KCNQ4: variants seen among roughly 807,000 people sequenced by gnomAD.
KCNQ4 encodes potassium voltage-gated channel subfamily Q member 4.
KCNQ4 carries 31 observed loss-of-function variants against 72.6 expected under a neutral mutation model. The ratio of observed to expected loss-of-function variants is 0.43; its 90% CI spans 0.32 to 0.58. The LOEUF (loss-of-function observed/expected upper bound fraction) is 0.58, where lower values mean the gene tolerates loss of function less well. KCNQ4 is among the 20% of genes least tolerant of loss of function. The probability of loss-of-function intolerance (pLI) is 0.08; values close to 1 mark genes in which losing one functional copy is unlikely to be tolerated. For synonymous variants in KCNQ4, 405 were observed against 403.7 expected, an observed-to-expected ratio of 1.00 and a Z score of -0.04; for missense variants, 869 against 962.6, an observed-to-expected ratio of 0.90 and a Z score of 1.29.
chr1:40,796,114 G>T (rs573634956), intron 1 of KCNQ4, among the ~76,000 whole-genome samples: 78 of 152,090 alleles, frequency 5.1e-4, no homozygotes, highest in Non-Finnish European at 9.1e-4. Context: ...GGCCGAGTGT[G>T]CAACGATTCT....
chr1:40,837,735 G>A lies in KCNQ4; in HGVS notation c.1816G>A (p.Asp606Asn), dbSNP rs938608196. 2 of 1,612,764 alleles carry A rather than the reference G, an allele frequency of 1.2e-6. No homozygotes were observed. The highest frequency in any genetic ancestry group is 1.7e-6 in the Non-Finnish European group (2 of 1,179,526). The change falls in exon 13 of 14, where the codon GAC (aspartate) becomes AAC (asparagine). Residue 606 changes from aspartate to asparagine, a missense_variant. Asp to Asn is a conservative substitution (Grantham distance 23, BLOSUM62 1). This residue lies in a region of KCNQ4 where 480 missense variants were observed against 501.9 expected (regional missense o/e 0.96). Transcript: ENST00000347132. Reference protein sequence around the residue: ...AREKGDKGPSDAEVVDEISMM... With the variant: ...AREKGDKGPSNAEVVDEISMM... ...GGAGAAGGGCGACAAGGGGCCCTCC[G>A]ACGCGGAGGTGGTGGATGAAATCAG...
rs1648177109 is a variant in KCNQ4 at position 40,818,672 on chromosome 1, C to T, written c.700C>T (p.His234Tyr). 1 of 1,602,108 alleles carries T rather than the reference C, an allele frequency of 6.2e-7. No homozygotes were observed. The highest frequency in any genetic ancestry group is 8.5e-7 in the Non-Finnish European group (1 of 1,177,664). Residue 234 changes from histidine (H) to tyrosine (Y), a missense_variant, in exon 4 of 14, where the codon CAT becomes TAT. By Grantham distance (83) the His-to-Tyr change is moderately conservative (BLOSUM62 2). This residue lies in a region of KCNQ4 where 179 missense variants were observed against 243.0 expected (regional missense o/e 0.74). Transcript: ENST00000347132. The part of the protein sequence containing the change: ...WKLLGSVVYA[H>Y]SKELITAWYI... ...GCTGCTGGGCTCAGTGGTCTACGCG[C>T]ATAGCAAGGTGAGGCCTGCAAGCCG... is the stretch of plus-strand genomic sequence containing the variant.
At chr1:40,831,952 G>A (rs1392361018) in intron 10 of KCNQ4, among the ~76,000 whole-genome samples, 1 of 152,216 alleles carries the variant, frequency 6.6e-6, no homozygotes, top group Non-Finnish European at 1.5e-5. Context: ...TCCTCAAGCA[G>A]GTCTATTCAG....
chr1:40,818,398 AC>A, intron 3 of KCNQ4, 106 bp from the exon 4 acceptor site: 1 of 1,558,772 alleles, frequency 6.4e-7, no homozygotes, highest in Admixed American at 1.7e-5. Context: ...GATTCAGCGG[AC>A]CCTCCCCCTC....
At chr1:40,809,340 C>T (rs1338588240) in intron 1 of KCNQ4, among the ~76,000 whole-genome samples, 1 of 152,168 alleles carries the variant, frequency 6.6e-6, no homozygotes, top group Admixed American at 6.5e-5. Flanking sequence ...TGATGTCCCC[C>T]AGATCTGCAT....
At chr1:40,834,315 A>T (rs1295814766) in intron 11 of KCNQ4, among the ~76,000 whole-genome samples, 1 of 151,954 alleles carries the variant, frequency 6.6e-6, no homozygotes, top group Non-Finnish European at 1.5e-5. Flanking sequence ...GACCAGGGAG[A>T]CTTTCAGCCC....
chr1:40,823,612 G>C (rs1189723350), intron 8 of KCNQ4, among the ~76,000 whole-genome samples: 1 of 152,218 alleles, frequency 6.6e-6, no homozygotes, highest in Admixed American at 6.5e-5. Context: ...ATGGCCTGGA[G>C]AGTTAGGAAG....
intron 1 of KCNQ4, among the ~76,000 whole-genome samples, chr1:40,792,538 C>T (rs564035507): frequency 6.6e-6 from 1 of 152,200 alleles, no homozygotes; most frequent in African/African-American, 2.4e-5. Flanking sequence ...ACAGCCCACA[C>T]GGGGGCCTTT....
chr1:40,833,254 C>T, intron 11 of KCNQ4, 141 bp downstream of exon 11: 1 of 648,960 alleles, frequency 1.5e-6, no homozygotes, highest in Non-Finnish European at 2.8e-6. Context: ...ACTAAAAATA[C>T]AAAAAATTAG....
rs977325179 is a variant in KCNQ4 at position 40,820,042 on chromosome 1, CT to C, written c.945+58del. ...GGCTGAGGGTGGGACCTGCTCACCC[CT>C]GTCACACATTTGCCTGGGGAGCCTG... On this transcript the variant is annotated intron_variant, in intron 6 of 13. Coordinates refer to ENST00000347132, the MANE Select transcript of KCNQ4 (RefSeq NM_004700.4). The C allele has an allele frequency of 6.7e-5, 103 of 1,539,740 alleles. No homozygotes were observed. The African/African-American group carries it at 7.6e-4, about 11-fold the overall frequency.
At chr1:40,802,617 T>C (rs1313352827) in intron 1 of KCNQ4, among the ~76,000 whole-genome samples, 4 of 151,664 alleles carry the variant, frequency 2.6e-5, no homozygotes, top group Non-Finnish European at 5.9e-5. Context: ...GTGGCGCCCC[T>C]GCTGAGGAGA....
intron 1 of KCNQ4, among the ~76,000 whole-genome samples, chr1:40,814,014 T>C (rs1409095115): frequency 2.7e-5 from 4 of 147,612 alleles, no homozygotes; most frequent in African/African-American, 1.0e-4. Context: ...CCCAAAGTAC[T>C]GGGATTACAG....
Position 40,817,592 on chromosome 1 carries a change from C to T in KCNQ4, c.405+237C>T, listed in dbSNP as rs1423246264. 1.3e-5 allele frequency among the ~76,000 whole-genome samples: 2 copies of T among 152,208 alleles called. No homozygotes were observed. Among genetic ancestry groups the T allele is most frequent in the African/African-American group, 4.8e-5 (2 of 41,454 alleles). ...GAAAGAGGCTTCTCATACCATGGCT[C>T]AGAGAGCAGCTTGCTGTGCTGTGTT... On this transcript the variant is annotated intron_variant, in intron 2 of 13. Coordinates refer to ENST00000347132, the MANE Select transcript of KCNQ4 (RefSeq NM_004700.4). The surrounding 1 kb of genome is among the most constrained non-coding windows in gnomAD (Gnocchi z 5.5).
Position 40,804,078 on chromosome 1 carries a change from A to G in KCNQ4, c.315-13187A>G, listed in dbSNP as rs372823642. Among the ~76,000 whole-genome samples, 8 of 152,122 alleles carry G rather than the reference A, an allele frequency of 5.3e-5. 1 individual carries two copies. In the South Asian group the frequency reaches 1.0e-3, roughly 20 times the overall value. ...CTCTTCCCTCCCTCTCCCTCCCCCA[A>G]TATAGTGCACAGGTTCTGCTGACTC... On this transcript the variant is annotated intron_variant, in intron 1 of 13. Coordinates refer to ENST00000347132, the MANE Select transcript of KCNQ4 (RefSeq NM_004700.4).
chr1:40,786,016 C>A (rs1264594607), intron 1 of KCNQ4, among the ~76,000 whole-genome samples: 1 of 152,108 alleles, frequency 6.6e-6, no homozygotes, highest in Admixed American at 6.5e-5. Flanking sequence ...TCCTTAGTGT[C>A]CATTGGGAGG....
chr1:40,836,689 C>G (rs947675556), intron 12 of KCNQ4, among the ~76,000 whole-genome samples: 2 of 152,072 alleles, frequency 1.3e-5, no homozygotes, highest in African/African-American at 4.8e-5. Context: ...AGGAAAAGAA[C>G]TGGGAGAGGG....
At chr1:40,818,817 A>G in intron 4 of KCNQ4, 137 bp downstream of exon 4, 1 of 983,382 alleles carries the variant, frequency 1.0e-6, no homozygotes, top group Non-Finnish European at 1.5e-6. Flanking sequence ...TTGGAGCCCT[A>G]GCAGGAGGCG....
rs765075433 is a variant in KCNQ4, at chr1:40,831,199, G to A, written c.1408G>A (p.Val470Met). 1.9e-6 allele frequency: 3 copies of A among 1,610,678 alleles called. No individual in the cohort carries two copies. The highest frequency in any genetic ancestry group is 2.5e-6 in the Non-Finnish European group (3 of 1,178,566). ...TMPTSPSSEQ[V>M]GEATSPTKVQ... ...GCCCACCTCCCCAAGCAGCGAGCAG[G>A]TGGGTGAGGCCACCAGCCCCACCAA... The change falls in exon 10 of 14, where the codon GTG becomes ATG. Residue 470 changes from valine to methionine, a missense_variant. Physicochemically the swap from Val to Met is conservative, Grantham distance 21 (BLOSUM62 1). Around this residue, in one of 5 missense-constraint regions of KCNQ4, gnomAD observed 480 missense variants for 501.9 expected, o/e 0.96. Transcript: ENST00000347132.
rs115640797 is a variant in KCNQ4, at chr1:40,822,262, G to A, written c.1042-52G>A. The A allele has an allele frequency of 1.0e-3, 1,433 of 1,435,770 alleles. 13 individuals carry two copies. The African/African-American group carries it at 0.018, about 18-fold the overall frequency. The allele number at this position is 1,435,770 out of a possible 1,614,324, so 88.9% of individuals were successfully genotyped here. ...TTCTTTCAGGGGAGAGGGCTGGTGGGGACTGAGAGGCCTCACTGATGCCCC... is the reference window on the plus strand; with the variant it reads ...TTCTTTCAGGGGAGAGGGCTGGTGGAGACTGAGAGGCCTCACTGATGCCCC... On this transcript the variant is annotated intron_variant, in intron 7 of 13. Transcript: ENST00000347132.
Sources: gnomAD v4.1 joint callset for allele counts (sites outside exome capture counted in the v4.1 genomes callset) on GRCh38, gnomAD v4.1.1 for gene constraint, gnomAD v4.1.1 regional missense constraint, Gnocchi (gnomAD v3.1) non-coding constraint, MANE v1.5 for transcripts, NCBI Gene and HGNC (gene_info 2026-07-23, HGNC 2026-07-21) for gene names.